The following PSG3 variants were observed in gnomAD, a reference collection of about 807,000 sequenced individuals.
PSG3 encodes pregnancy specific beta-1-glycoprotein 3.
In PSG3, 61 loss-of-function variants were observed where a neutral mutation model predicts 47.5. The ratio of observed to expected loss-of-function variants is 1.28; its 90% CI spans 1.05 to 1.59. The LOEUF is 1.59. Among genes scored for constraint, PSG3 ranks in the 40% most tolerant of loss-of-function variants. PSG3 has a pLI of 0.00. For synonymous variants in PSG3, 263 were observed against 198.4 expected (o/e 1.33, Z -2.74); for missense variants, 756 against 524.0 (o/e 1.44, Z -4.32).
rs1367876829 is a variant in PSG3 at position 42,740,432 on chromosome 19, C to T, written c.-48G>A. On this transcript the variant is annotated 5_prime_UTR_variant, in exon 1 of 7. Coordinates refer to ENST00000327495, the MANE Select transcript of PSG3 (RefSeq NM_021016.4). ...TCCTCTGTGGAGCTGAGCCTAGGATCCAGAAACTTCCTGAGCATGGCTCTC... is the reference window on the plus strand; with the variant it reads ...TCCTCTGTGGAGCTGAGCCTAGGATTCAGAAACTTCCTGAGCATGGCTCTC... The T allele has an allele frequency of 1.9e-5, 31 of 1,613,692 alleles. No homozygotes were observed. Among genetic ancestry groups the T allele is most frequent in the Non-Finnish European group, 2.6e-5 (31 of 1,179,790 alleles).
intron 3 of PSG3, chr19:42,732,543 T>G: frequency 1.1e-6 from 1 of 946,842 alleles, no homozygotes; most frequent in African/African-American, 1.7e-5. Context: ...GACAGTCACC[T>G]GTTTTGCCCA....
chr19:42,739,983 T>C (rs571914154), intron 1 of PSG3, among the ~76,000 whole-genome samples: 25 of 151,868 alleles, frequency 1.6e-4, no homozygotes, highest in Middle Eastern at 3.4e-3. Context: ...GACGGAGTCT[T>C]GTACTGTCGC....
Position 42,721,910 on chromosome 19 carries a change from G to A in PSG3, c.*221C>T, listed in dbSNP as rs1315133587. 4.8e-6 allele frequency: 2 copies of A among 415,052 alleles called. No individual in the cohort carries two copies. The highest frequency in any genetic ancestry group is 8.8e-6 in the Non-Finnish European group (2 of 226,108). 25.7% of individuals were successfully genotyped at this position (415,052 alleles called of 1,614,324 possible). The stretch of plus-strand genomic sequence containing the variant: ...TTTTTTTCTTTGTCTTGAATTTCAT[G>A]AAGTATCAGCCTGTTCATTAAAATT... On this transcript the variant is annotated 3_prime_UTR_variant, in exon 7 of 7. Coordinates refer to ENST00000327495, the MANE Select transcript of PSG3 (RefSeq NM_021016.4).
chr19:42,725,078 A>T (rs1600378637), intron 5 of PSG3, among the ~76,000 whole-genome samples: 2 of 152,152 alleles, frequency 1.3e-5, no homozygotes, highest in Admixed American at 1.3e-4. Flanking sequence ...TGACAGGTGG[A>T]TCTGAGATTT....
In PSG3 at chr19:42,729,145, T is replaced by G. The variant is rs1189315675; in HGVS notation, c.1221A>C (p.Lys407Asn). Reference sequence around the variant, plus strand: ...TACCAGAGACTTTGACTGTCATGGATTTGGAGCTTTCCATGCCAGTGGCTG... The same window carrying G: ...TACCAGAGACTTTGACTGTCATGGAGTTGGAGCTTTCCATGCCAGTGGCTG... Reference protein sequence around the residue: ...RNSATGMESSKSMTVKVSAPS... With the variant: ...RNSATGMESSNSMTVKVSAPS... The change falls in exon 5 of 7, where the codon AAA (lysine) becomes AAC (asparagine). Residue 407 changes from lysine to asparagine, a missense_variant. Physicochemically the swap from Lys to Asn is moderately conservative, Grantham distance 94 (BLOSUM62 0). Coordinates refer to ENST00000327495, the MANE Select transcript of PSG3 (RefSeq NM_021016.4). The G allele has an allele frequency of 3.7e-6, 6 of 1,613,866 alleles. No individual in the cohort carries two copies. The highest frequency in any genetic ancestry group is 5.1e-6 in the Non-Finnish European group (6 of 1,179,868).
chr19:42,738,689 C>T lies in PSG3; in HGVS notation c.430+35G>A, dbSNP rs199508988. 3.6e-4 allele frequency: 577 copies of T among 1,612,160 alleles called. 5 individuals carry two copies. In the South Asian group the frequency reaches 6.0e-3, roughly 17 times the overall value. On this transcript the variant is annotated intron_variant, in intron 2 of 6. Transcript: ENST00000327495. Reference sequence around the variant, plus strand: ...TTTGTGTGTGAAGTAAAGACCCCATCCCCCAACACCCAGTGATCACGTGGA... The same window carrying T: ...TTTGTGTGTGAAGTAAAGACCCCATTCCCCAACACCCAGTGATCACGTGGA...
intron 3 of PSG3, 26 bp from the exon 4 acceptor site, chr19:42,730,082 G>A (rs1446049678): frequency 1.9e-6 from 3 of 1,606,354 alleles, no homozygotes; most frequent in Middle Eastern, 2.0e-4. Context: ...AGAGAAGATT[G>A]TCCTGTGTGG....
intron 3 of PSG3, 150 bp downstream of exon 3, chr19:42,732,634 G>T (rs1267085281): frequency 1.9e-6 from 3 of 1,560,530 alleles, no homozygotes; most frequent in Non-Finnish European, 1.8e-6. Flanking sequence ...GGCCTACTCT[G>T]GTTTGCCTGG....
chr19:42,737,375 T>C (rs929554224), intron 2 of PSG3, among the ~76,000 whole-genome samples: 5 of 152,110 alleles, frequency 3.3e-5, no homozygotes, highest in African/African-American at 1.2e-4. Flanking sequence ...AGCTCCTGAG[T>C]GTGTCTGTCT....
rs374489471 is a variant in PSG3 at position 42,740,191 on chromosome 19, A to T, written c.64+130T>A. ...CTGATCTTGAACTCCTGATCTCGTG[A>T]TCCACCCTCCTCAGCCTCCCTAAGT... On this transcript the variant is annotated intron_variant, in intron 1 of 6. Transcript: ENST00000327495. 6.1e-5 allele frequency: 95 copies of T among 1,570,196 alleles called. 1 individual carries two copies. The highest frequency in any genetic ancestry group is 3.6e-4 in the East Asian group (16 of 44,424).
rs1969442323 is a variant in PSG3 at position 42,729,847 on chromosome 19, G to T, written c.919C>A (p.Pro307Thr). 2 of 1,613,430 alleles carry T rather than the reference G, an allele frequency of 1.2e-6. No homozygotes were observed. Among genetic ancestry groups the T allele is most frequent in the Non-Finnish European group, 1.7e-6 (2 of 1,179,866 alleles). ...CGGTCCTGTATTTCACATTGATAGG[G>T]TCCTGTTTCATTTCTCGTGACACTG... is the stretch of plus-strand genomic sequence containing the variant. The part of the protein sequence containing the change: ...LPSVTRNETG[P>T]YQCEIQDRYG... The change falls in exon 4 of 7, where the codon CCC becomes ACC. Residue 307 changes from proline to threonine, a missense_variant. Coordinates refer to ENST00000327495, the MANE Select transcript of PSG3 (RefSeq NM_021016.4).
At chr19:42,728,974 C>T (rs1063007) in intron 5 of PSG3, 149 bp downstream of exon 5, 2 of 1,554,466 alleles carry the variant, frequency 1.3e-6, no homozygotes, top group South Asian at 1.3e-5. Context: ...TCTGTAGAGA[C>T]AAATTGGGAG....
intron 3 of PSG3, 82 bp from the exon 4 acceptor site, chr19:42,730,138 T>C: frequency 2.5e-6 from 4 of 1,579,560 alleles, no homozygotes; most frequent in Non-Finnish European, 3.4e-6. Flanking sequence ...AGTTGGCATC[T>C]CCCACCTCTC....
At chr19:42,731,698 C>T (rs1310053916) in intron 3 of PSG3, among the ~76,000 whole-genome samples, 30 of 151,380 alleles carry the variant, frequency 2.0e-4, no homozygotes, top group Admixed American at 9.9e-4. Context: ...ACATTGAATC[C>T]GCAACTCACT....
intron 6 of PSG3, among the ~76,000 whole-genome samples, chr19:42,723,640 C>G (rs1283812860): frequency 6.6e-6 from 1 of 152,150 alleles, no homozygotes; most frequent in Non-Finnish European, 1.5e-5. Context: ...GAGAATTACA[C>G]TATTGAGAGA....
intron 5 of PSG3, among the ~76,000 whole-genome samples, chr19:42,724,786 C>T (rs574419324): frequency 1.3e-5 from 2 of 151,952 alleles, no homozygotes; most frequent in African/African-American, 4.8e-5. Context: ...ACATACCAGG[C>T]TTGATTCTTT....
intron 2 of PSG3, chr19:42,733,367 G>T (rs2353148): frequency 1.4e-5 from 6 of 417,110 alleles, no homozygotes; most frequent in African/African-American, 2.3e-5. Flanking sequence ...CCTCCATCTC[G>T]AAGTGCCTGC....
At chr19:42,737,381 T>C (rs912143916) in intron 2 of PSG3, among the ~76,000 whole-genome samples, 1 of 152,158 alleles carries the variant, frequency 6.6e-6, no homozygotes, top group Admixed American at 6.5e-5. Flanking sequence ...TGAGTGTGTC[T>C]GTCTCGCTGG....
In PSG3 at chr19:42,729,218, T is replaced by A; in HGVS notation, c.1148A>T (p.Gln383Leu). ...QLSGQKLFIPQITTKHSGLYA... is the reference protein window; with the variant it reads ...QLSGQKLFIPLITTKHSGLYA... ...GAGCCCGCTATGCTTTGTAGTAATCTGGGGGATAAAGAGCTTTTGTCCTGA... is the reference window on the plus strand; with the variant it reads ...GAGCCCGCTATGCTTTGTAGTAATCAGGGGGATAAAGAGCTTTTGTCCTGA... The change falls in exon 5 of 7, where the codon CAG becomes CTG. Residue 383 changes from glutamine (Q) to leucine (L), a missense_variant. Gln to Leu is a moderately radical substitution (Grantham distance 113). Transcript: ENST00000327495. 1 of 1,614,026 alleles carries A rather than the reference T, an allele frequency of 6.2e-7. No homozygotes were observed. The highest frequency in any genetic ancestry group is 1.3e-5 in the African/African-American group (1 of 75,046).
Sources: gnomAD v4.1 joint callset for allele counts (sites outside exome capture counted in the v4.1 genomes callset) on GRCh38, gnomAD v4.1.1 for gene constraint, MANE v1.5 for transcripts, NCBI Gene and HGNC (gene_info 2026-07-23, HGNC 2026-07-21) for gene names.